MUC4: variants seen among roughly 807,000 people sequenced by gnomAD.
MUC4 encodes the protein mucin-4.
MUC4 carries 202 observed loss-of-function variants against 257.9 expected under a neutral mutation model. The observed-to-expected ratio is 0.78, with a 90% CI of 0.70 to 0.88. The LOEUF is 0.88. Ranked by LOEUF, MUC4 falls within the 40% of genes least tolerant of loss-of-function variation. The probability of loss-of-function intolerance (pLI) is 0.00; values close to 1 mark genes in which losing one functional copy is unlikely to be tolerated. For missense variants in MUC4, 5,976 were observed against 6,513.7 expected (o/e 0.92, Z 2.84); for synonymous variants, 2,351 against 2,757.1 (o/e 0.85, Z 4.62).
chr3:195,775,995 T>C (rs372923604), intron 3 of MUC4, among the ~76,000 whole-genome samples: 24 of 23,552 alleles, frequency 1.0e-3, no homozygotes, highest in Non-Finnish European at 1.3e-3. Flanking sequence ...CCTTCCACAG[T>C]CATACCTTCC....
Position 195,789,454 on chromosome 3 carries a change from G to A in MUC4, c.2126C>T (p.Pro709Leu), listed in dbSNP as rs772626211. The A allele has an allele frequency of 4.5e-5, 73 of 1,613,846 alleles. No homozygotes were observed. Among genetic ancestry groups the A allele is most frequent in the Middle Eastern group, 3.3e-4 (2 of 6,084 alleles). ...GGGTGCTGCCTGCAGTGCTGTGGTC[G>A]GGGCCTGGGTTGTGTGACCATCCCC... ...PTGDGHTTQA[P>L]TTALQAAPSS... The change falls in exon 2 of 25, where the codon CCG becomes CTG. Residue 709 changes from proline to leucine, a missense_variant. Physicochemically the swap from Pro to Leu is moderately conservative, Grantham distance 98. Transcript: ENST00000463781.
At position 195,790,093 on chromosome 3, in the gene MUC4, C is replaced by A. The variant is rs1299751708; in HGVS notation, c.1487G>T (p.Gly496Val). Residue 496 changes from glycine (G) to valine (V), a missense_variant, in exon 2 of 25, where the codon GGC (glycine) becomes GTC (valine). By Grantham distance (109) the Gly-to-Val change is moderately radical. Around this residue, in one of 44 missense-constraint regions of MUC4, gnomAD observed 1,583 missense variants for 1,257.4 expected, o/e 1.26. Transcript: ENST00000463781. ...TTWPSSFSSK[G>V]HTTWSQTELP... ...TTCTGTTTGTGACCAAGTTGTGTGG[C>A]CTTTGCTGGAGAATGAGGAAGGCCA... 6.2e-7 allele frequency: 1 copy of A among 1,613,990 alleles called. No individual in the cohort carries two copies. The highest frequency in any genetic ancestry group is 8.5e-7 in the Non-Finnish European group (1 of 1,179,898).
Position 195,790,475 on chromosome 3 carries a change from T to A in MUC4, c.1105A>T (p.Thr369Ser), listed in dbSNP as rs1403103400. The change falls in exon 2 of 25, where the codon ACA (threonine) becomes TCA (serine). Residue 369 changes from threonine (T) to serine (S), a missense_variant. Physicochemically the swap from Thr to Ser is moderately conservative, Grantham distance 58. This residue lies in a region of MUC4 where 1,583 missense variants were observed against 1,257.4 expected (regional missense o/e 1.26). Coordinates refer to ENST00000463781, the MANE Select transcript of MUC4 (RefSeq NM_018406.7). ...GTGGTTGTTTCACCAGAAGGGAATG[T>A]CTCCTGAGAAACTGTTCCACTTGGG... Reference protein sequence around the residue: ...FNPSGTVSQETFPSGETTTSS... With the variant: ...FNPSGTVSQESFPSGETTTSS... The A allele has an allele frequency of 3.1e-6, 5 of 1,613,902 alleles. No individual in the cohort carries two copies. Among genetic ancestry groups the A allele is most frequent in the Non-Finnish European group, 4.2e-6 (5 of 1,179,892 alleles).
In MUC4 at chr3:195,784,638, G is replaced by C. The variant is rs750819059; in HGVS notation, c.6942C>G (p.Ser2314=). ...CAGGAAGAGGGGTGGCGTGACCTGTGGATGCTGAGGAAGCGTCGGTGACAT... is the reference window on the plus strand; with the variant it reads ...CAGGAAGAGGGGTGGCGTGACCTGTCGATGCTGAGGAAGCGTCGGTGACAT... ...PLHVTDASSA[S]TGHATPLPVT... Residue 2314 remains serine, a synonymous_variant, in exon 2 of 25, where the codon TCC becomes TCG. Transcript: ENST00000463781. 1.4e-6 allele frequency: 2 copies of C among 1,390,126 alleles called. No individual in the cohort carries two copies. The highest frequency in any genetic ancestry group is 1.9e-6 in the Non-Finnish European group (2 of 1,037,570). The allele number at this position is 1,390,126 out of a possible 1,614,324, so 86.1% of individuals were successfully genotyped here.
intron 3 of MUC4, among the ~76,000 whole-genome samples, chr3:195,776,561 GCACCCATACCTTCCA>G (rs1560286998): frequency 2.2e-3 from 9 of 4,114 alleles, no homozygotes; most frequent in Non-Finnish European, 2.7e-3. Context: ...CATACCTTCC[GCACCCATACCTTCCA>G]CACCCATACC....
At chr3:195,769,366 T>A (rs1722307647) in intron 6 of MUC4, 2 of 586,662 alleles carry the variant, frequency 3.4e-6, no homozygotes, top group East Asian at 5.8e-5. Flanking sequence ...CCACGGTGGA[T>A]TTGCCTTTTG....
Position 195,790,942 on chromosome 3 carries a change from G to A in MUC4, c.638C>T (p.Thr213Ile). 1 of 1,613,996 alleles carries A rather than the reference G, an allele frequency of 6.2e-7. No individual in the cohort carries two copies. Among genetic ancestry groups the A allele is most frequent in the Non-Finnish European group, 8.5e-7 (1 of 1,179,890 alleles). ...AGTTGAAGTGGTTCTGTGTGTTAGG[G>A]TGCTGGTTTGAGATTCCCTGGTGGT... Reference protein sequence around the residue: ...TQTTRESQTSTLTHRTTSTPS... With the variant: ...TQTTRESQTSILTHRTTSTPS... The change falls in exon 2 of 25, where the codon ACC (threonine) becomes ATC (isoleucine). Residue 213 changes from threonine (T) to isoleucine (I), a missense_variant. Thr to Ile is a moderately conservative substitution (Grantham distance 89). Transcript: ENST00000463781.
At chr3:195,767,487 C>CACCATCACCATT (rs1560260730) in intron 7 of MUC4, among the ~76,000 whole-genome samples, 1 of 147,706 alleles carries the variant, frequency 6.8e-6, no homozygotes, top group Non-Finnish European at 1.5e-5. Context: ...CCATCACCAC[C>CACCATCACCATT]ACCATCACCA....
intron 7 of MUC4, among the ~76,000 whole-genome samples, chr3:195,767,865 A>ACCACCACCATCACCACCAT (rs1721779153): frequency 1.9e-5 from 1 of 52,168 alleles, no homozygotes; most frequent in Non-Finnish European, 4.1e-5. Context: ...ATCACCCCCA[A>ACCACCACCATCACCACCAT]CACCACCACC....
rs1560224736 is a variant in MUC4 at position 195,754,292 on chromosome 3, G to T, written c.15249C>A (p.Phe5083Leu). Residue 5083 changes from phenylalanine to leucine, a missense_variant, in exon 19 of 25, where the codon TTC becomes TTA. Around this residue, in one of 44 missense-constraint regions of MUC4, gnomAD observed 996 missense variants for 1,137.3 expected, o/e 0.88. Transcript: ENST00000463781. ...TCCCAGGAACGCAGTGGACACTCGGGAAGCACGGCTCCTCACAGGCATCCT... is the reference window on the plus strand; with the variant it reads ...TCCCAGGAACGCAGTGGACACTCGGTAAGCACGGCTCCTCACAGGCATCCT... ...GSEDACEEPC[F>L]PSVHCVPGKG... The T allele has an allele frequency of 6.2e-7, 1 of 1,613,902 alleles. No homozygotes were observed. Among genetic ancestry groups the T allele is most frequent in the Non-Finnish European group, 8.5e-7 (1 of 1,180,012 alleles).
chr3:195,803,299 T>C (rs564871748), intron 1 of MUC4, among the ~76,000 whole-genome samples: 1 of 152,372 alleles, frequency 6.6e-6, no homozygotes, highest in East Asian at 1.9e-4. Flanking sequence ...CGTGCCTTCC[T>C]TATCAAGGCT....
rs1391928176 is a variant in MUC4 at position 195,790,916 on chromosome 3, G to A, written c.664C>T (p.Pro222Ser). The A allele has an allele frequency of 6.2e-7, 1 of 1,613,984 alleles. No homozygotes were observed. Among genetic ancestry groups the A allele is most frequent in the East Asian group, 2.2e-5 (1 of 44,882 alleles). Residue 222 changes from proline to serine, a missense_variant, in exon 2 of 25, where the codon CCT becomes TCT. By Grantham distance (74) the Pro-to-Ser change is moderately conservative. This residue lies in a region of MUC4 where 1,583 missense variants were observed against 1,257.4 expected (regional missense o/e 1.26). Coordinates refer to ENST00000463781, the MANE Select transcript of MUC4 (RefSeq NM_018406.7). ...STLTHRTTST[P>S]SFSPSVHNVT... ...TTGTGTACACTTGGAGAGAAAGAAG[G>A]AGTTGAAGTGGTTCTGTGTGTTAGG...
intron 3 of MUC4, 21 bp from the exon 4 acceptor site, chr3:195,774,326 G>A: frequency 6.7e-7 from 1 of 1,501,284 alleles, no homozygotes; most frequent in Non-Finnish European, 8.9e-7. Flanking sequence ...ACAGAGAAGA[G>A]CAGGAAGTCC....
At chr3:195,767,511 CACCAT>C (rs1720944675) in intron 7 of MUC4, among the ~76,000 whole-genome samples, 1 of 84,338 alleles carries the variant, frequency 1.2e-5, no homozygotes, top group Non-Finnish European at 2.7e-5. Context: ...CCACCACCAT[CACCAT>C]CACCACCACC....
rs778679234 is a variant in MUC4 at position 195,779,493 on chromosome 3, G to A, written c.12087C>T (p.His4029=). The change falls in exon 2 of 25, where the codon CAC becomes CAT. Residue 4029 remains histidine, a synonymous_variant. Transcript: ENST00000463781. ...TGCTGGTGACAGGAACAGGGGTGGCGTGACCTGTGGATGCTGAGGAAGGGC... is the reference window on the plus strand; with the variant it reads ...TGCTGGTGACAGGAACAGGGGTGGCATGACCTGTGGATGCTGAGGAAGGGC... The part of the protein sequence containing the change: ...VTSPSSASTG[H]ATPVPVTSTS... 699 of 1,154,124 alleles carry A rather than the reference G, an allele frequency of 6.1e-4. 14 individuals are homozygous for A. Among genetic ancestry groups the A allele is most frequent in the East Asian group, 3.7e-3 (94 of 25,740 alleles). The allele number at this position is 1,154,124 out of a possible 1,614,324, so 71.5% of individuals were successfully genotyped here.
At chr3:195,798,275 A>G (rs1040193271) in intron 1 of MUC4, among the ~76,000 whole-genome samples, 1 of 152,244 alleles carries the variant, frequency 6.6e-6, no homozygotes, top group African/African-American at 2.4e-5. Flanking sequence ...AAATTGTACA[A>G]CTGCATTGAA....
chr3:195,746,897 T>G lies in MUC4; in HGVS notation c.*279A>C. On this transcript the variant is annotated 3_prime_UTR_variant, in exon 25 of 25. Coordinates refer to ENST00000463781, the MANE Select transcript of MUC4 (RefSeq NM_018406.7). ...CACATTATGAACTCGTGTGTGTGTG[T>G]GTGTGTGTGCACGCGCGCGTGCACA... The G allele has an allele frequency of 1.9e-6, 1 of 538,818 alleles. No individual in the cohort carries two copies. 33.4% of individuals were successfully genotyped at this position (538,818 alleles called of 1,614,324 possible).
intron 1 of MUC4, among the ~76,000 whole-genome samples, chr3:195,811,143 T>A (rs566261314): frequency 9.4e-4 from 128 of 135,788 alleles, no homozygotes; most frequent in African/African-American, 1.2e-3. Context: ...TTATTTTATT[T>A]TATATTTATT....
intron 16 of MUC4, among the ~76,000 whole-genome samples, chr3:195,760,497 G>A (rs1168365712): frequency 9.0e-6 from 1 of 111,448 alleles, no homozygotes; most frequent in Admixed American, 8.4e-5. Context: ...GAGTGGAGGG[G>A]GCTGGGAAGG....
Sources: gnomAD v4.1 joint callset for allele counts (sites outside exome capture counted in the v4.1 genomes callset) on GRCh38, gnomAD v4.1.1 for gene constraint, gnomAD v4.1.1 regional missense constraint, MANE v1.5 for transcripts, NCBI Gene and HGNC (gene_info 2026-07-23, HGNC 2026-07-21) for gene names.